The following SEMA4A variants were observed in gnomAD, a reference collection of about 807,000 sequenced individuals.
The protein encoded by SEMA4A is semaphorin 4A.
SEMA4A carries 52 observed loss-of-function variants against 72.5 expected under a neutral mutation model. That is an observed-to-expected ratio of 0.72 (90% CI 0.57 to 0.90). The LOEUF is 0.90. SEMA4A is among the 40% of genes least tolerant of loss of function. The pLI is 0.00. For missense variants in SEMA4A, 926 were observed against 959.7 expected (o/e 0.96, Z 0.46); for synonymous variants, 369 against 393.1 (o/e 0.94, Z 0.73).
rs921600307 is a variant in SEMA4A at position 156,172,950 on chromosome 1, T to C, written c.1259T>C (p.Val420Ala). 1.2e-6 allele frequency: 2 copies of C among 1,613,942 alleles called. No individual in the cohort carries two copies. The highest frequency in any genetic ancestry group is 2.7e-5 in the African/African-American group (2 of 74,886). Residue 420 changes from valine to alanine, a missense_variant, in exon 11 of 15, where the codon GTG becomes GCG. Coordinates refer to ENST00000368285, the MANE Select transcript of SEMA4A (RefSeq NM_022367.4). Reference protein sequence around the residue: ...KSGVEYTRLAVETAQGLDGHS... With the variant: ...KSGVEYTRLAAETAQGLDGHS... ...GGCGTGGAGTATACACGGCTTGCAG[T>C]GGAGACAGCCCAGGGCCTTGATGGG...
In SEMA4A at chr1:156,176,410, G is replaced by T. The variant is rs1386505633; in HGVS notation, c.1699G>T (p.Glu567Ter). 1 of 1,612,364 alleles carries T rather than the reference G, an allele frequency of 6.2e-7. No homozygotes were observed. The highest frequency in any genetic ancestry group is 2.2e-5 in the East Asian group (1 of 44,862). Residue 567 changes from glutamate (E) to a stop codon, truncating the protein, a stop_gained, in exon 15 of 15, where the codon GAA (glutamate) becomes TAA (stop). Coordinates refer to ENST00000368285, the MANE Select transcript of SEMA4A (RefSeq NM_022367.4). LOFTEE classifies it high-confidence loss of function. ...RPQSRPQIIK[E>*]VLAVPNSILE... ...CTCCTTTCTTTCTCCTACAGTTAAA[G>T]AAGTCCTGGCTGTCCCCAACTCCAT...
At chr1:156,159,919 GAAA>G (rs34564497) in intron 6 of SEMA4A, among the ~76,000 whole-genome samples, 29 of 102,392 alleles carry the variant, frequency 2.8e-4, no homozygotes, top group East Asian at 6.1e-4. Context: ...ACCCTGTCTT[GAAA>G]AAAAAAAAAA....
chr1:156,151,963 T>C (rs1316403016), upstream of SEMA4A, among the ~76,000 whole-genome samples: 2 of 149,628 alleles, frequency 1.3e-5, no homozygotes, highest in East Asian at 4.0e-4. Flanking sequence ...TAAAGCTCAC[T>C]ACCCTCCCAG....
intron 10 of SEMA4A, among the ~76,000 whole-genome samples, chr1:156,168,476 G>A (rs570388161): frequency 5.3e-5 from 8 of 152,052 alleles, no homozygotes; most frequent in African/African-American, 1.7e-4. Context: ...TGCCCGTCTC[G>A]GCCTCCCAAA....
intron 14 of SEMA4A, among the ~76,000 whole-genome samples, chr1:156,176,140 C>T (rs953832691): frequency 1.3e-5 from 2 of 151,906 alleles, no homozygotes; most frequent in African/African-American, 4.8e-5. Context: ...ATTAACCAGG[C>T]GTGGAAACAC....
intron 10 of SEMA4A, 101 bp downstream of exon 10, chr1:156,163,195 C>A: frequency 7.5e-7 from 1 of 1,340,660 alleles, no homozygotes; most frequent in South Asian, 1.2e-5. Flanking sequence ...TGTTAGTGCT[C>A]TCCACCCCAC....
At chr1:156,161,310 G>GGGGGGGGCCCCGGGCGCCC in intron 8 of SEMA4A, 36 bp from the exon 9 acceptor site, 5 of 1,381,144 alleles carry the variant, frequency 3.6e-6, no homozygotes, top group Non-Finnish European at 3.9e-6. Context: ...GGGTCGGGGC[G>GGGGGGGGCCCCGGGCGCCC]CCCGGGGCGC....
In SEMA4A at chr1:156,160,990, T is replaced by G; in HGVS notation, c.771T>G (p.Phe257Leu). ...FEETASEFDF[F>L]ERLHTSRVAR... ...AGACAGCCAGCGAGTTTGACTTCTT[T>G]GAGAGGCTCCACACATCGCGGGTGG... The change falls in exon 8 of 15, where the codon TTT becomes TTG. Residue 257 changes from phenylalanine (F) to leucine (L), a missense_variant. Phe to Leu is a conservative substitution (Grantham distance 22, BLOSUM62 0). Transcript: ENST00000368285. 1 of 1,602,060 alleles carries G rather than the reference T, an allele frequency of 6.2e-7. No individual in the cohort carries two copies. Among genetic ancestry groups the G allele is most frequent in the Non-Finnish European group, 8.5e-7 (1 of 1,174,282 alleles).
chr1:156,170,748 C>T (rs796241623), intron 10 of SEMA4A, among the ~76,000 whole-genome samples: 1 of 144,102 alleles, frequency 6.9e-6, no homozygotes, highest in Non-Finnish European at 1.5e-5. Context: ...AGTGAGACTC[C>T]GTCTCAAAAA....
At chr1:156,161,266 G>C in intron 8 of SEMA4A, 80 bp from the exon 9 acceptor site, 1 of 1,002,760 alleles carries the variant, frequency 1.0e-6, no homozygotes, top group Non-Finnish European at 1.4e-6. Context: ...GACACGCCGA[G>C]CTGCGGGGGG....
At chr1:156,159,045 A>AG in intron 6 of SEMA4A, 2 of 561,060 alleles carry the variant, frequency 3.6e-6, no homozygotes, top group Non-Finnish European at 6.3e-6. Context: ...AAAAAAAAAA[A>AG]AAAGCCTCAG....
At chr1:156,171,807 C>G (rs953197832) in intron 10 of SEMA4A, among the ~76,000 whole-genome samples, 6 of 149,648 alleles carry the variant, frequency 4.0e-5, no homozygotes, top group Non-Finnish European at 5.9e-5. Context: ...TTTTTGAGAC[C>G]GAGTCTCACT....
At position 156,172,990 on chromosome 1, in the gene SEMA4A, C is replaced by T. The variant is rs1185449056; in HGVS notation, c.1299C>T (p.Val433=). ...GCCTTGATGGGCACAGCCATCTTGT[C>T]ATGTACCTGGGAACCAGTGAGTAAA... The part of the protein sequence containing the change: ...AQGLDGHSHL[V]MYLGTTTGSL... The change falls in exon 11 of 15, where the codon GTC becomes GTT. Residue 433 remains valine, a synonymous_variant. Transcript: ENST00000368285. 6.2e-7 allele frequency: 1 copy of T among 1,613,858 alleles called. No homozygotes were observed. Among genetic ancestry groups the T allele is most frequent in the East Asian group, 2.2e-5 (1 of 44,900 alleles).
chr1:156,176,961 C>T lies in SEMA4A; in HGVS notation c.2250C>T (p.Asp750=), dbSNP rs780054588. 18 of 1,612,990 alleles carry T rather than the reference C, an allele frequency of 1.1e-5. No individual in the cohort carries two copies. Among genetic ancestry groups the T allele is most frequent in the Non-Finnish European group, 1.4e-5 (16 of 1,180,052 alleles). The change falls in exon 15 of 15, where the codon GAC becomes GAT. Residue 750 remains aspartate (D), a synonymous_variant. Coordinates refer to ENST00000368285, the MANE Select transcript of SEMA4A (RefSeq NM_022367.4). The part of the protein sequence containing the change: ...KECRTSASDV[D]ADNNCLGTEV... ...GCAGGACCTCTGCCAGTGATGTGGA[C>T]GCTGACAACAACTGCCTAGGCACTG...
intron 10 of SEMA4A, among the ~76,000 whole-genome samples, chr1:156,170,359 G>A (rs1654587199): frequency 6.7e-6 from 1 of 150,274 alleles, no homozygotes; most frequent in Non-Finnish European, 1.5e-5. Context: ...AGCTACTTGG[G>A]AGGCTGAGGC....
intron 10 of SEMA4A, among the ~76,000 whole-genome samples, chr1:156,166,609 T>C (rs1572410027): frequency 6.6e-6 from 1 of 152,148 alleles, no homozygotes; most frequent in Non-Finnish European, 1.5e-5. Flanking sequence ...AGGTTTTTCA[T>C]TTCTGTGTTC....
upstream of SEMA4A, among the ~76,000 whole-genome samples, chr1:156,152,469 G>A (rs946315294): frequency 6.6e-6 from 1 of 152,202 alleles, no homozygotes; most frequent in Admixed American, 6.5e-5. Flanking sequence ...TGAGCTGGGG[G>A]TTGGGGAGAC....
At chr1:156,168,366 C>G (rs548168460) in intron 10 of SEMA4A, among the ~76,000 whole-genome samples, 1 of 151,948 alleles carries the variant, frequency 6.6e-6, no homozygotes, top group Non-Finnish European at 1.5e-5. Flanking sequence ...GGATTATAGG[C>G]GCCCACCACC....
At chr1:156,171,371 A>G (rs1654757627) in intron 10 of SEMA4A, among the ~76,000 whole-genome samples, 1 of 152,156 alleles carries the variant, frequency 6.6e-6, no homozygotes, top group African/African-American at 2.4e-5. Flanking sequence ...ATGGGTGAGA[A>G]AAAGGAGGCT....
Sources: gnomAD v4.1 joint callset for allele counts (sites outside exome capture counted in the v4.1 genomes callset) on GRCh38, gnomAD v4.1.1 for gene constraint, MANE v1.5 for transcripts, NCBI Gene and HGNC (gene_info 2026-07-23, HGNC 2026-07-21) for gene names.